The following TNFSF4 variants were observed in gnomAD, a reference collection of about 807,000 sequenced individuals.
TNFSF4 encodes tumor necrosis factor ligand superfamily member 4.
In TNFSF4, 4 loss-of-function variants were observed where a neutral mutation model predicts 7.3. The observed-to-expected ratio is 0.55, with a 90% CI of 0.27 to 1.25. TNFSF4 has a LOEUF of 1.25. Ranked by LOEUF, TNFSF4 falls within the 50% of genes most tolerant of loss-of-function variation. The pLI, the probability that TNFSF4 is intolerant of heterozygous loss-of-function variation, is 0.12. For synonymous variants in TNFSF4, 76 were observed against 83.7 expected, an observed-to-expected ratio of 0.91 and a Z score of 0.50; for missense variants, 181 against 208.8, an observed-to-expected ratio of 0.87 and a Z score of 0.82.
chr1:173,316,785 C>T, the TNFSF4 span, among the ~76,000 whole-genome samples: 1 of 152,094 alleles, frequency 6.6e-6, no homozygotes, highest in African/African-American at 2.4e-5. Flanking sequence ...GAAATTTTTA[C>T]AAGGTCATAT....
the TNFSF4 span, among the ~76,000 whole-genome samples, chr1:173,403,573 A>G: frequency 1.3e-5 from 2 of 152,224 alleles, no homozygotes; most frequent in South Asian, 4.1e-4. Context: ...GGTATCATCA[A>G]ACAAAACCCT....
the TNFSF4 span, among the ~76,000 whole-genome samples, chr1:173,338,098 C>G: frequency 6.6e-6 from 1 of 152,096 alleles, no homozygotes; most frequent in Non-Finnish European, 1.5e-5. Context: ...CTGAAGACAA[C>G]CACTGCCGAC....
the TNFSF4 span, among the ~76,000 whole-genome samples, chr1:173,395,420 G>GGA: frequency 6.1e-5 from 3 of 49,550 alleles, no homozygotes; most frequent in South Asian, 9.9e-4. Flanking sequence ...ATATATATAT[G>GGA]GAGAGAGAGA....
the TNFSF4 span, among the ~76,000 whole-genome samples, chr1:173,431,266 A>T: frequency 3.3e-5 from 5 of 152,226 alleles, no homozygotes; most frequent in South Asian, 1.0e-3. Context: ...TCCTTAAATA[A>T]TAATCTTCAG....
At chr1:173,445,064 T>C in the TNFSF4 span, among the ~76,000 whole-genome samples, 1 of 152,188 alleles carries the variant, frequency 6.6e-6, no homozygotes, top group East Asian at 1.9e-4. Flanking sequence ...TGTCAGTCAT[T>C]GTATCTTGAG....
At chr1:173,187,513 G>A (rs547037085) in intron 2 of TNFSF4, among the ~76,000 whole-genome samples, 1 of 152,316 alleles carries the variant, frequency 6.6e-6, no homozygotes, top group Admixed American at 6.5e-5. Context: ...TTTGTTAGCG[G>A]TCACTTAAGT....
downstream of TNFSF4, among the ~76,000 whole-genome samples, chr1:173,180,829 C>T (rs1466382089): frequency 3.3e-5 from 5 of 152,018 alleles, no homozygotes; most frequent in East Asian, 3.8e-4. Context: ...GTTAGGGATA[C>T]GATGAACAAT....
At chr1:173,375,347 A>T in the TNFSF4 span, among the ~76,000 whole-genome samples, 10 of 152,124 alleles carry the variant, frequency 6.6e-5, no homozygotes, top group Admixed American at 1.3e-4. Context: ...CTTTGCCCCT[A>T]TCCAGCAGGA....
At chr1:173,318,717 G>A in the TNFSF4 span, among the ~76,000 whole-genome samples, 63 of 152,260 alleles carry the variant, frequency 4.1e-4, 1 homozygote, top group East Asian at 9.9e-3. Context: ...AAGCAATTTG[G>A]CTATATGTAT....
the TNFSF4 span, among the ~76,000 whole-genome samples, chr1:173,376,138 G>T: frequency 6.6e-6 from 1 of 152,116 alleles, no homozygotes; most frequent in African/African-American, 2.4e-5. Flanking sequence ...CCATGCATGT[G>T]CCCTAAGCCT....
At chr1:173,361,937 G>A in the TNFSF4 span, among the ~76,000 whole-genome samples, 2 of 152,126 alleles carry the variant, frequency 1.3e-5, no homozygotes, top group African/African-American at 4.8e-5. Flanking sequence ...CTGGATATCT[G>A]GATACAATCC....
chr1:173,261,359 C>T, the TNFSF4 span, among the ~76,000 whole-genome samples: 1 of 152,046 alleles, frequency 6.6e-6, no homozygotes, highest in East Asian at 1.9e-4. Flanking sequence ...GCACTAAATG[C>T]CCATATCAAA....
the TNFSF4 span, among the ~76,000 whole-genome samples, chr1:173,287,591 T>C: frequency 2.0e-5 from 3 of 152,166 alleles, no homozygotes; most frequent in Non-Finnish European, 2.9e-5. Context: ...TAAATGTAAA[T>C]GTTTATGGTC....
the TNFSF4 span, among the ~76,000 whole-genome samples, chr1:173,259,831 A>T: frequency 5.1e-4 from 77 of 152,326 alleles, 1 homozygote; most frequent in African/African-American, 1.8e-3. Context: ...ACTTCTAAGA[A>T]CTAGGGGATT....
At chr1:173,391,435 C>CAAAA in the TNFSF4 span, among the ~76,000 whole-genome samples, 19 of 108,820 alleles carry the variant, frequency 1.7e-4, no homozygotes, top group Admixed American at 3.1e-4. Context: ...CCTTAGAAAG[C>CAAAA]AAAAAAAAAA....
the TNFSF4 span, among the ~76,000 whole-genome samples, chr1:173,259,270 G>C: frequency 6.6e-6 from 1 of 152,052 alleles, no homozygotes; most frequent in Non-Finnish European, 1.5e-5. Context: ...AGAAGGGCTT[G>C]ACTGTTAAAA....
chr1:173,227,458 A>G, the TNFSF4 span, among the ~76,000 whole-genome samples: 2 of 152,222 alleles, frequency 1.3e-5, no homozygotes, highest in Non-Finnish European at 2.9e-5. Flanking sequence ...CAAGTTGGCC[A>G]AATAGGAACA....
chr1:173,177,348 A>C, the TNFSF4 span, among the ~76,000 whole-genome samples: 1 of 152,188 alleles, frequency 6.6e-6, no homozygotes, highest in Admixed American at 6.5e-5. Context: ...AGGAACAGAA[A>C]GCAAAATGCC....
the TNFSF4 span, among the ~76,000 whole-genome samples, chr1:173,266,794 T>C: frequency 2.0e-5 from 3 of 152,224 alleles, no homozygotes; most frequent in Non-Finnish European, 4.4e-5. Context: ...TGTCATTTAA[T>C]GTCTTCCATG....
Sources: gnomAD v4.1 joint callset for allele counts (sites outside exome capture counted in the v4.1 genomes callset) on GRCh38, gnomAD v4.1.1 for gene constraint, MANE v1.5 for transcripts, NCBI Gene and HGNC (gene_info 2026-07-23, HGNC 2026-07-21) for gene names.